HPSE2: variants seen among roughly 807,000 people sequenced by gnomAD.
HPSE2 encodes inactive heparanase-2.
In HPSE2, 38 loss-of-function variants were observed where a neutral mutation model predicts 60.5. That is an observed-to-expected ratio of 0.63 (90% CI 0.48 to 0.82). HPSE2 has a LOEUF of 0.82. Ranked by LOEUF, HPSE2 falls within the 40% of genes least tolerant of loss-of-function variation. The pLI, the probability that HPSE2 is intolerant of heterozygous loss-of-function variation, is 0.00. For synonymous variants in HPSE2, 295 were observed against 293.2 expected, an observed-to-expected ratio of 1.01 and a Z score of -0.06; for missense variants, 713 against 740.4, an observed-to-expected ratio of 0.96 and a Z score of 0.43.
intron 3 of HPSE2, among the ~76,000 whole-genome samples, chr10:98,860,407 TTCAG>T (rs1316246398): frequency 6.6e-6 from 1 of 152,176 alleles, no homozygotes; most frequent in Non-Finnish European, 1.5e-5. Flanking sequence ...GCTCATGCTG[TTCAG>T]TCAGTTTGGA....
intron 3 of HPSE2, among the ~76,000 whole-genome samples, chr10:99,056,233 A>C (rs1353356978): frequency 1.5e-5 from 2 of 136,998 alleles, no homozygotes; most frequent in Admixed American, 1.4e-4. Context: ...TTAAAAAAAA[A>C]CTACAACTTA....
At chr10:98,773,666 T>G (rs1366001442) in intron 3 of HPSE2, among the ~76,000 whole-genome samples, 1 of 152,214 alleles carries the variant, frequency 6.6e-6, no homozygotes, top group Non-Finnish European at 1.5e-5. Context: ...TGCATAAGAA[T>G]GTTCATCTCA....
At chr10:98,770,044 T>G (rs1950207084) in intron 3 of HPSE2, among the ~76,000 whole-genome samples, 1 of 152,172 alleles carries the variant, frequency 6.6e-6, no homozygotes, top group Admixed American at 6.5e-5. Context: ...GAAATAGTAA[T>G]AGGGCACGCA....
chr10:98,723,019 G>C (rs1216970228), intron 4 of HPSE2, among the ~76,000 whole-genome samples: 1 of 152,196 alleles, frequency 6.6e-6, no homozygotes, highest in Non-Finnish European at 1.5e-5. Context: ...GGAGTGGTGA[G>C]AGAGGGCATC....
intron 6 of HPSE2, among the ~76,000 whole-genome samples, chr10:98,673,450 C>G (rs1252740763): frequency 1.3e-5 from 2 of 152,180 alleles, no homozygotes; most frequent in African/African-American, 4.8e-5. Context: ...CCCATTTGCT[C>G]TTGTCTTCTG....
chr10:98,611,175 T>C (rs560730314), intron 9 of HPSE2, among the ~76,000 whole-genome samples: 4 of 152,304 alleles, frequency 2.6e-5, no homozygotes, highest in African/African-American at 9.6e-5. Flanking sequence ...AAGGAAAATG[T>C]CATAGCAGGA....
chr10:98,730,447 G>A (rs1441118766), intron 4 of HPSE2, among the ~76,000 whole-genome samples: 1 of 151,688 alleles, frequency 6.6e-6, no homozygotes, highest in East Asian at 1.9e-4. Flanking sequence ...CTACACCCGA[G>A]CAAAACAAAG....
intron 9 of HPSE2, among the ~76,000 whole-genome samples, chr10:98,596,128 T>C (rs781655504): frequency 6.6e-6 from 1 of 152,206 alleles, no homozygotes; most frequent in Non-Finnish European, 1.5e-5. Flanking sequence ...GACTTTTGCA[T>C]CTATATGCAT....
At chr10:98,621,330 G>A (rs778935435) in intron 7 of HPSE2, among the ~76,000 whole-genome samples, 7 of 152,002 alleles carry the variant, frequency 4.6e-5, no homozygotes, top group African/African-American at 1.5e-4. Context: ...ACTTCCTGTC[G>A]AAAGGTGGCA....
In HPSE2 at chr10:99,204,874, T is replaced by C. The variant is rs567054363; in HGVS notation, c.448+27474A>G. Among the ~76,000 whole-genome samples the C allele has an allele frequency of 4.6e-5, 7 of 152,350 alleles. No individual in the cohort carries two copies. The South Asian group carries it at 8.3e-4, about 18-fold the overall frequency. On this transcript the variant is annotated intron_variant, in intron 2 of 11. Coordinates refer to ENST00000370552, the MANE Select transcript of HPSE2 (RefSeq NM_021828.5). Reference sequence around the variant, plus strand: ...CTATGTTATTTACTGCAATAAAATATATGCAAATCTTTATGAGTTAATATT... The same window carrying C: ...CTATGTTATTTACTGCAATAAAATACATGCAAATCTTTATGAGTTAATATT...
chr10:98,969,434 A>T (rs1955894805), intron 3 of HPSE2, among the ~76,000 whole-genome samples: 1 of 152,132 alleles, frequency 6.6e-6, no homozygotes, highest in Non-Finnish European at 1.5e-5. Flanking sequence ...AGTGCCAACT[A>T]TTTTTGCCCA....
chr10:99,014,277 C>A (rs1038947214), intron 3 of HPSE2, among the ~76,000 whole-genome samples: 2 of 152,232 alleles, frequency 1.3e-5, no homozygotes, highest in Non-Finnish European at 2.9e-5. Flanking sequence ...CATGTCCCTG[C>A]AAAGGACATG....
intron 2 of HPSE2, among the ~76,000 whole-genome samples, chr10:99,148,824 T>TC (rs1466117302): frequency 8.9e-5 from 13 of 145,544 alleles, no homozygotes; most frequent in African/African-American, 3.3e-4. Flanking sequence ...AATCAATCAA[T>TC]AAAATAGTTG....
chr10:98,505,741 T>C (rs1942178709), intron 9 of HPSE2, among the ~76,000 whole-genome samples: 1 of 152,222 alleles, frequency 6.6e-6, no homozygotes, highest in Non-Finnish European at 1.5e-5. Flanking sequence ...TATTTTTCCG[T>C]ATGGATAGTC....
intron 3 of HPSE2, among the ~76,000 whole-genome samples, chr10:99,037,325 T>C (rs779528975): frequency 2.3e-4 from 35 of 152,202 alleles, no homozygotes; most frequent in Non-Finnish European, 4.0e-4. Context: ...TGCAGTTAAT[T>C]GTATTATACA....
intron 6 of HPSE2, among the ~76,000 whole-genome samples, chr10:98,650,087 G>A (rs145580409): frequency 7.2e-4 from 110 of 152,348 alleles, no homozygotes; most frequent in Non-Finnish European, 1.4e-3. Flanking sequence ...ATGCCAAAAC[G>A]ATGTGAGCAG....
chr10:98,723,358 C>T (rs536700409), intron 4 of HPSE2, among the ~76,000 whole-genome samples: 15 of 147,514 alleles, frequency 1.0e-4, no homozygotes, highest in Admixed American at 3.5e-4. Flanking sequence ...TTGCTGAATT[C>T]GGTTTGCCAG....
At chr10:98,749,947 T>TATATATATATACACACACACAC in intron 3 of HPSE2, among the ~76,000 whole-genome samples, 2 of 98,484 alleles carry the variant, frequency 2.0e-5, no homozygotes, top group East Asian at 2.8e-4. Flanking sequence ...TATATATATA[T>TATATATATATACACACACACAC]ACACACACAC....
intron 2 of HPSE2, among the ~76,000 whole-genome samples, chr10:99,166,138 G>A (rs1847072662): frequency 2.7e-5 from 1 of 37,544 alleles, no homozygotes; most frequent in South Asian, 4.2e-3. Flanking sequence ...TGAATCAATA[G>A]TTAATTCTTT....
Sources: gnomAD v4.1 joint callset for allele counts (sites outside exome capture counted in the v4.1 genomes callset) on GRCh38, gnomAD v4.1.1 for gene constraint, MANE v1.5 for transcripts, NCBI Gene and HGNC (gene_info 2026-07-23, HGNC 2026-07-21) for gene names.